PDE1A: variants seen among roughly 807,000 people sequenced by gnomAD.
PDE1A encodes dual specificity calcium/calmodulin-dependent 3',5'-cyclic nucleotide phosphodiesterase 1A.
Under a neutral mutation model 61.7 loss-of-function variants are expected in PDE1A, and 35 were observed. The observed-to-expected ratio is 0.57, with a 90% CI of 0.43 to 0.75. The LOEUF (loss-of-function observed/expected upper bound fraction) is 0.75, where lower values mean the gene tolerates loss of function less well. Among genes scored for constraint, PDE1A ranks in the 30% least tolerant of loss-of-function variants. The pLI is 0.00. For missense variants in PDE1A, 597 were observed against 630.6 expected (o/e 0.95, Z 0.57); for synonymous variants, 232 against 213.2 (o/e 1.09, Z -0.77).
At chr2:182,584,959 A>G in the PDE1A span, among the ~76,000 whole-genome samples, 2 of 152,226 alleles carry the variant, frequency 1.3e-5, no homozygotes, top group Non-Finnish European at 2.9e-5. Flanking sequence ...ACACAAAACA[A>G]AATCAAACAA....
chr2:182,618,981 G>A, the PDE1A span, among the ~76,000 whole-genome samples: 3 of 150,960 alleles, frequency 2.0e-5, no homozygotes, highest in Non-Finnish European at 4.4e-5. Flanking sequence ...CCAAATTTCA[G>A]TCCTTCGTCC....
chr2:182,168,378 C>G, intron 13 of PDE1A: 1 of 1,202,442 alleles, frequency 8.3e-7, no homozygotes, highest in Non-Finnish European at 1.2e-6. Context: ...CATTTATAAT[C>G]AGCCATGATT....
rs527495603 is a variant in PDE1A, at chr2:182,235,915, C to T, written c.351-1417G>A. Reference sequence around the variant, plus strand: ...TTAAAAATGCATGGGACATATTACTCAGTTTCTATGTAAAAGCCATCATTT... The same window carrying T: ...TTAAAAATGCATGGGACATATTACTTAGTTTCTATGTAAAAGCCATCATTT... On this transcript the variant is annotated intron_variant, in intron 3 of 13. Transcript: ENST00000351439. 2.6e-5 allele frequency among the ~76,000 whole-genome samples: 4 copies of T among 152,310 alleles called. No individual in the cohort carries two copies. In the South Asian group the frequency reaches 8.3e-4, roughly 32 times the overall value.
At chr2:182,554,593 G>C in the PDE1A span, among the ~76,000 whole-genome samples, 1 of 151,990 alleles carries the variant, frequency 6.6e-6, no homozygotes, top group Non-Finnish European at 1.5e-5. Context: ...TGTGAACTTT[G>C]GCGAGTTAGT....
the PDE1A span, among the ~76,000 whole-genome samples, chr2:182,702,094 ATTAC>A: frequency 6.6e-6 from 1 of 152,130 alleles, no homozygotes; most frequent in Non-Finnish European, 1.5e-5. Flanking sequence ...ATTTATGCAT[ATTAC>A]TTATTTATTG....
chr2:182,503,734 A>G (rs911908745), intron 2 of PDE1A, among the ~76,000 whole-genome samples: 12 of 152,040 alleles, frequency 7.9e-5, no homozygotes, highest in African/African-American at 2.7e-4. Context: ...AACTCCCAAG[A>G]GTTTGTTGCT....
At chr2:182,625,308 T>C in the PDE1A span, among the ~76,000 whole-genome samples, 10 of 152,200 alleles carry the variant, frequency 6.6e-5, no homozygotes, top group Non-Finnish European at 1.3e-4. Context: ...TAAAACACCA[T>C]ATAATGACAG....
At chr2:182,689,706 C>CA in the PDE1A span, among the ~76,000 whole-genome samples, 12 of 152,058 alleles carry the variant, frequency 7.9e-5, no homozygotes, top group African/African-American at 1.9e-4. Context: ...GATAGAGACA[C>CA]AAAAAACCCT....
intron 13 of PDE1A, 84 bp downstream of exon 13, chr2:182,185,808 G>A (rs953311747): frequency 1.3e-6 from 2 of 1,592,388 alleles, no homozygotes; most frequent in South Asian, 1.1e-5. Flanking sequence ...TATAGAAGAA[G>A]AAATCTAGAA....
At chr2:182,287,475 G>C (rs548708026) in intron 1 of PDE1A, among the ~76,000 whole-genome samples, 2 of 152,022 alleles carry the variant, frequency 1.3e-5, no homozygotes, top group Non-Finnish European at 2.9e-5. Context: ...AGAGATCCTT[G>C]AGTGTTTTAT....
intron 2 of PDE1A, among the ~76,000 whole-genome samples, chr2:182,256,392 A>C (rs1244380978): frequency 6.6e-6 from 1 of 150,560 alleles, no homozygotes; most frequent in Non-Finnish European, 1.5e-5. Flanking sequence ...AATTTCATCC[A>C]TGTCCCTACA....
the PDE1A span, among the ~76,000 whole-genome samples, chr2:182,689,063 C>T: frequency 6.6e-6 from 1 of 152,094 alleles, no homozygotes; most frequent in East Asian, 1.9e-4. Flanking sequence ...ACGTAGACTC[C>T]CACACAAGAA....
chr2:182,210,900 CA>C (rs60586885), intron 7 of PDE1A, among the ~76,000 whole-genome samples: 97,056 of 146,946 alleles, frequency 0.66, 32,032 homozygotes, highest in East Asian at 0.91. Context: ...GGTAATTTAT[CA>C]AAAAAAAAAA....
At chr2:182,487,564 A>G (rs1688096865) in intron 2 of PDE1A, among the ~76,000 whole-genome samples, 1 of 152,182 alleles carries the variant, frequency 6.6e-6, no homozygotes, top group African/African-American at 2.4e-5. Flanking sequence ...ATTCAGATAT[A>G]AAAAGGAATT....
intron 7 of PDE1A, among the ~76,000 whole-genome samples, chr2:182,208,733 A>C (rs978217378): frequency 6.6e-6 from 1 of 152,184 alleles, no homozygotes; most frequent in Non-Finnish European, 1.5e-5. Context: ...TGAATATGAG[A>C]CATGGAGTCA....
At chr2:182,452,543 C>A (rs951948250) in intron 2 of PDE1A, among the ~76,000 whole-genome samples, 1 of 152,028 alleles carries the variant, frequency 6.6e-6, no homozygotes, top group South Asian at 2.1e-4. Flanking sequence ...CTTCCAGCAC[C>A]TTGATTCTGT....
intron 2 of PDE1A, among the ~76,000 whole-genome samples, chr2:182,452,802 T>C (rs772144434): frequency 6.6e-6 from 1 of 152,144 alleles, no homozygotes; most frequent in South Asian, 2.1e-4. Context: ...AGCCCTGCAA[T>C]GCCAGTGGTT....
intron 1 of PDE1A, among the ~76,000 whole-genome samples, chr2:182,414,108 G>T (rs1294212062): frequency 1.3e-5 from 2 of 152,098 alleles, no homozygotes; most frequent in African/African-American, 4.8e-5. Context: ...AGACAGTTGA[G>T]ATTAAGAGAA....
At chr2:182,505,896 AT>A (rs1255969896) in intron 2 of PDE1A, among the ~76,000 whole-genome samples, 1 of 152,202 alleles carries the variant, frequency 6.6e-6, no homozygotes, top group Non-Finnish European at 1.5e-5. Context: ...AATAAATAAT[AT>A]CTTTGGAAAA....
Sources: gnomAD v4.1 joint callset for allele counts (sites outside exome capture counted in the v4.1 genomes callset) on GRCh38, gnomAD v4.1.1 for gene constraint, MANE v1.5 for transcripts, NCBI Gene and HGNC (gene_info 2026-07-23, HGNC 2026-07-21) for gene names.